Variants in LCA5 observed in about 807,000 individuals in gnomAD.
LCA5 encodes lebercilin.
LCA5 carries 37 observed loss-of-function variants against 53.0 expected under a neutral mutation model. The ratio of observed to expected loss-of-function variants is 0.70; its 90% CI spans 0.54 to 0.92. LCA5 has a LOEUF of 0.92. Among genes scored for constraint, LCA5 ranks in the 40% least tolerant of loss-of-function variants. LCA5 has a pLI of 0.00. For synonymous variants in LCA5, 303 were observed against 282.9 expected, an observed-to-expected ratio of 1.07 and a Z score of -0.71; for missense variants, 806 against 790.5, an observed-to-expected ratio of 1.02 and a Z score of -0.23.
At position 79,515,541 on chromosome 6, in the gene LCA5, G is replaced by A. The variant is rs542908237; in HGVS notation, c.191-1800C>T. ...CTTAAGCCTCAATATTCAGAGCACC[G>A]GCCCTTTAAAAGAGGCATTTTGAAA... On this transcript the variant is annotated intron_variant, in intron 2 of 7. Transcript: ENST00000369846. Among the ~76,000 whole-genome samples the A allele has an allele frequency of 7.9e-5, 12 of 151,774 alleles. No individual in the cohort carries two copies. In the South Asian group the frequency reaches 1.9e-3, roughly 24 times the overall value.
chr6:79,501,303 T>C (rs889272865), intron 3 of LCA5, among the ~76,000 whole-genome samples: 14 of 152,232 alleles, frequency 9.2e-5, no homozygotes, highest in South Asian at 2.1e-4. Flanking sequence ...TATCCATCCA[T>C]TCATTCTTTT....
chr6:79,490,615 C>G (rs893676570), intron 6 of LCA5, among the ~76,000 whole-genome samples: 18 of 152,030 alleles, frequency 1.2e-4, no homozygotes, highest in African/African-American at 4.3e-4. Flanking sequence ...GTCTCAATGA[C>G]AGCACAAATA....
intron 1 of LCA5, among the ~76,000 whole-genome samples, chr6:79,529,981 A>G (rs1766909965): frequency 1.3e-5 from 2 of 149,958 alleles, no homozygotes; most frequent in African/African-American, 4.9e-5. Context: ...GGGGAGGGAT[A>G]GCATTAGGAG....
chr6:79,538,015 C>T (rs1159596906), upstream of LCA5, among the ~76,000 whole-genome samples: 1 of 59,222 alleles, frequency 1.7e-5, no homozygotes, highest in Non-Finnish European at 3.2e-5. Context: ...TATTTGCACA[C>T]AAGTTTTTTT....
At chr6:79,495,595 C>T (rs1043204524) in intron 3 of LCA5, among the ~76,000 whole-genome samples, 2 of 151,648 alleles carry the variant, frequency 1.3e-5, no homozygotes, top group Non-Finnish European at 2.9e-5. Flanking sequence ...ACTAAAAATA[C>T]AAAAAATTAG....
intron 1 of LCA5, among the ~76,000 whole-genome samples, chr6:79,536,807 T>C (rs1767144383): frequency 1.3e-5 from 2 of 152,150 alleles, no homozygotes; most frequent in Non-Finnish European, 2.9e-5. Flanking sequence ...TTGTTTGTTT[T>C]AATAACAACC....
chr6:79,490,127 C>T (rs1582614932), intron 6 of LCA5, among the ~76,000 whole-genome samples: 2 of 152,212 alleles, frequency 1.3e-5, no homozygotes, highest in South Asian at 4.1e-4. Flanking sequence ...TGACTTCAGT[C>T]TATTACAAGA....
intron 2 of LCA5, 106 bp downstream of exon 2, chr6:79,518,599 A>G (rs1467907914): frequency 3.9e-6 from 4 of 1,038,084 alleles, no homozygotes; most frequent in Non-Finnish European, 6.1e-6. Context: ...ACTTCCATGT[A>G]TACAACAACA....
chr6:79,534,080 T>C (rs1767038095), intron 1 of LCA5, among the ~76,000 whole-genome samples: 1 of 148,944 alleles, frequency 6.7e-6, no homozygotes, highest in Non-Finnish European at 1.5e-5. Context: ...TAACTGCTCC[T>C]CTTCCACAAA....
intron 3 of LCA5, among the ~76,000 whole-genome samples, chr6:79,494,903 T>C (rs1769938585): frequency 6.6e-6 from 1 of 152,158 alleles, no homozygotes; most frequent in African/African-American, 2.4e-5. Flanking sequence ...CTCCTGACCT[T>C]TGAAAGGTCC....
chr6:79,537,821 TACAA>T (rs557216063), upstream of LCA5, among the ~76,000 whole-genome samples: 41 of 152,150 alleles, frequency 2.7e-4, no homozygotes, highest in Non-Finnish European at 4.0e-4. Context: ...GTAAACAAAT[TACAA>T]ACAAACTGCT....
chr6:79,538,698 C>T (rs1175021437), upstream of LCA5, among the ~76,000 whole-genome samples: 1 of 152,046 alleles, frequency 6.6e-6, no homozygotes, highest in Non-Finnish European at 1.5e-5. Context: ...GAAAACATAC[C>T]GTATTTACGT....
At chr6:79,536,008 A>C (rs1767106203) in intron 1 of LCA5, among the ~76,000 whole-genome samples, 1 of 152,212 alleles carries the variant, frequency 6.6e-6, no homozygotes, top group African/African-American at 2.4e-5. Flanking sequence ...AACGGAAGAG[A>C]TGTGACTCAC....
chr6:79,527,778 G>C (rs951551487), intron 1 of LCA5, among the ~76,000 whole-genome samples: 1 of 152,108 alleles, frequency 6.6e-6, no homozygotes, highest in Admixed American at 6.5e-5. Context: ...CAAAGGAAGC[G>C]TCTTGGGTAT....
upstream of LCA5, among the ~76,000 whole-genome samples, chr6:79,538,074 A>G (rs1767213412): frequency 9.0e-6 from 1 of 111,074 alleles, no homozygotes; most frequent in East Asian, 2.7e-4. Context: ...TTTGAGGAGC[A>G]TGTCAGCCTA....
Position 79,489,158 on chromosome 6 carries a change from A to C in LCA5, c.1157T>G (p.Met386Arg), listed in dbSNP as rs372872674. 52 of 1,612,810 alleles carry C rather than the reference A, an allele frequency of 3.2e-5. No homozygotes were observed. The Middle Eastern group carries it at 4.9e-4, about 15-fold the overall frequency. The change falls in exon 7 of 8, where the codon ATG becomes AGG. Residue 386 changes from methionine to arginine, a missense_variant. Physicochemically the swap from Met to Arg is moderately conservative, Grantham distance 91. Transcript: ENST00000369846. ...HGEAGILNPI[M>R]EREEKFVTDE... ...TGTAACAAATTTTTCTTCTCTTTCC[A>C]TAATTGGGTTTAGAATCCCTGCTTC...
At chr6:79,503,766 T>C (rs1309012554) in intron 3 of LCA5, among the ~76,000 whole-genome samples, 1 of 152,170 alleles carries the variant, frequency 6.6e-6, no homozygotes, top group Non-Finnish European at 1.5e-5. Flanking sequence ...GCTGGAATGG[T>C]GTATAACCAG....
At chr6:79,532,685 T>C (rs1408301960) in intron 1 of LCA5, among the ~76,000 whole-genome samples, 2 of 152,180 alleles carry the variant, frequency 1.3e-5, no homozygotes, top group Admixed American at 1.3e-4. Flanking sequence ...AATGGCTCCC[T>C]GACAATTTTC....
intron 3 of LCA5, 149 bp downstream of exon 3, chr6:79,513,063 T>C (rs913662911): frequency 2.7e-6 from 2 of 744,398 alleles, no homozygotes; most frequent in African/African-American, 3.5e-5. Flanking sequence ...CTCTTAAATA[T>C]AAAATCCAAA....
Sources: allele counts gnomAD v4.1 joint callset (sites outside exome capture counted in the v4.1 genomes callset), GRCh38; gene constraint gnomAD v4.1.1; transcripts MANE v1.5; gene names NCBI Gene and HGNC (gene_info 2026-07-23, HGNC 2026-07-21).